GRID2: variants seen among roughly 807,000 people sequenced by gnomAD.
GRID2 encodes the protein glutamate ionotropic receptor delta type subunit 2.
A neutral mutation model predicts 114.8 loss-of-function variants in GRID2; 33 were observed. That is an observed-to-expected ratio of 0.29 (90% confidence interval 0.22 to 0.38). GRID2 has a LOEUF of 0.38. Among genes scored for constraint, GRID2 ranks in the 10% least tolerant of loss-of-function variants. GRID2 has a pLI of 1.00. For missense variants in GRID2, 1,184 were observed against 1,257.7 expected, an observed-to-expected ratio of 0.94 and a Z score of 0.89; for synonymous variants, 505 against 449.9, an observed-to-expected ratio of 1.12 and a Z score of -1.55.
rs555857513 is a variant in GRID2, at chr4:93,346,984, A to G, written c.1246-48623A>G. Among the ~76,000 whole-genome samples the G allele has an allele frequency of 1.0e-3, 158 of 152,236 alleles. 6 individuals carry two copies. In the South Asian group the frequency reaches 0.032, roughly 31 times the overall value. On this transcript the variant is annotated intron_variant, in intron 8 of 15. Coordinates refer to ENST00000282020, the MANE Select transcript of GRID2 (RefSeq NM_001510.4). ...CTTCCAATTTTCCTGCCCTGCTCCT[A>G]TCAGAGACCATCTTCAGGGTTAGTG...
Position 93,424,584 on chromosome 4 carries a change from T to C in GRID2, c.1545+1616T>C, listed in dbSNP as rs578082845. ...TGATTCTTTATATGTAGTATATTTT[T>C]GTATGTGTTAGTGGCCATTCTACAA... On this transcript the variant is annotated intron_variant, in intron 10 of 15. Transcript: ENST00000282020. Among the ~76,000 whole-genome samples the C allele has an allele frequency of 2.0e-5, 3 of 152,272 alleles. No individual in the cohort carries two copies. The South Asian group carries it at 6.2e-4, about 32-fold the overall frequency.
intron 13 of GRID2, among the ~76,000 whole-genome samples, chr4:93,530,382 G>A (rs1731323730): frequency 6.6e-6 from 1 of 152,184 alleles, no homozygotes; most frequent in African/African-American, 2.4e-5. Context: ...CGCCTATTCT[G>A]TATTGATTTG....
In GRID2 at chr4:92,608,542, C is replaced by T. The variant is rs1729570719; in HGVS notation, c.244+18256C>T. Among the ~76,000 whole-genome samples, 7 of 151,882 alleles carry T rather than the reference C, an allele frequency of 4.6e-5. No homozygotes were observed. In the South Asian group the frequency reaches 1.5e-3, roughly 32 times the overall value. ...GTTTTATAATATAAAAAGTGCTATG[C>T]ATGTGTATTAACTAATTCTCTCAAA... On this transcript the variant is annotated intron_variant, in intron 2 of 15. Coordinates refer to ENST00000282020, the MANE Select transcript of GRID2 (RefSeq NM_001510.4).
At chr4:93,577,913 A>T (rs1736575228) in intron 13 of GRID2, among the ~76,000 whole-genome samples, 1 of 152,222 alleles carries the variant, frequency 6.6e-6, no homozygotes, top group Admixed American at 6.5e-5. Flanking sequence ...GATGGGTAAT[A>T]ACAATAAAAT....
At chr4:92,369,610 C>T (rs1006471853) in intron 1 of GRID2, among the ~76,000 whole-genome samples, 1 of 152,100 alleles carries the variant, frequency 6.6e-6, no homozygotes, top group African/African-American at 2.4e-5. Context: ...ACTTCAGTAT[C>T]CAGCTAGCTA....
At chr4:92,695,855 A>C (rs1311803090) in intron 2 of GRID2, among the ~76,000 whole-genome samples, 1 of 152,182 alleles carries the variant, frequency 6.6e-6, no homozygotes, top group African/African-American at 2.4e-5. Flanking sequence ...GAATCAAAAA[A>C]ATCTGAAATC....
rs187118359 is a variant in GRID2 at position 93,441,278 on chromosome 4, C to T, written c.1546-14384C>T. Among the ~76,000 whole-genome samples the T allele has an allele frequency of 3.3e-3, 502 of 152,040 alleles. 3 individuals carry two copies. The highest frequency in any genetic ancestry group is 0.011 in the African/African-American group (472 of 41,506). Reference sequence around the variant, plus strand: ...CTATAAATAACTTTTAAAGACATTTCGGATATGAAATTCTCTATGTTCTAT... The same window carrying T: ...CTATAAATAACTTTTAAAGACATTTTGGATATGAAATTCTCTATGTTCTAT... On this transcript the variant is annotated intron_variant, in intron 10 of 15. Transcript: ENST00000282020.
chr4:92,420,711 G>A (rs914048118), intron 1 of GRID2, among the ~76,000 whole-genome samples: 1 of 152,160 alleles, frequency 6.6e-6, no homozygotes, highest in Non-Finnish European at 1.5e-5. Flanking sequence ...TTGAGACAGA[G>A]TGTCTCTCTG....
chr4:92,361,432 G>T (rs1728615902), intron 1 of GRID2, among the ~76,000 whole-genome samples: 1 of 151,904 alleles, frequency 6.6e-6, no homozygotes, highest in Admixed American at 6.6e-5. Flanking sequence ...TTGTATATCA[G>T]AACAAAAGTT....
intron 9 of GRID2, among the ~76,000 whole-genome samples, chr4:93,418,453 C>A (rs1031486386): frequency 2.0e-5 from 3 of 152,072 alleles, no homozygotes; most frequent in Non-Finnish European, 4.4e-5. Flanking sequence ...TAACAACACT[C>A]CTTTGTAGTT....
At chr4:93,246,136 C>G (rs1415894693) in intron 8 of GRID2, among the ~76,000 whole-genome samples, 1 of 152,126 alleles carries the variant, frequency 6.6e-6, no homozygotes, top group Non-Finnish European at 1.5e-5. Context: ...GTATGGAAAT[C>G]TAATAACAGA....
At chr4:92,760,237 CAAAAAAAA>C (rs982301426) in intron 2 of GRID2, among the ~76,000 whole-genome samples, 4 of 38,410 alleles carry the variant, frequency 1.0e-4, no homozygotes, top group African/African-American at 2.8e-4. Context: ...GACTCTGTCT[CAAAAAAAA>C]AAAAAAAAAA....
chr4:93,712,611 T>C (rs1728580502), intron 14 of GRID2, among the ~76,000 whole-genome samples: 1 of 152,190 alleles, frequency 6.6e-6, no homozygotes, highest in Admixed American at 6.6e-5. Context: ...ATAAACCATC[T>C]CTCACTTAAA....
At chr4:92,626,738 G>T (rs1173528729) in intron 2 of GRID2, among the ~76,000 whole-genome samples, 2 of 152,012 alleles carry the variant, frequency 1.3e-5, no homozygotes, top group Non-Finnish European at 2.9e-5. Context: ...GATTCTCACA[G>T]AGAAGATACC....
At chr4:93,095,277 C>T (rs1251469751) in intron 3 of GRID2, among the ~76,000 whole-genome samples, 1 of 151,922 alleles carries the variant, frequency 6.6e-6, no homozygotes, top group Non-Finnish European at 1.5e-5. Context: ...CCTCCCCTAG[C>T]CCTCCACGCC....
chr4:93,414,770 C>T (rs540564350), intron 9 of GRID2, among the ~76,000 whole-genome samples: 87 of 149,910 alleles, frequency 5.8e-4, no homozygotes, highest in African/African-American at 2.0e-3. Context: ...TAGAAATGTT[C>T]GTTTGTTGTT....
At chr4:93,127,996 G>A (rs1179667637) in intron 4 of GRID2, among the ~76,000 whole-genome samples, 1 of 131,822 alleles carries the variant, frequency 7.6e-6, no homozygotes, top group Non-Finnish European at 1.5e-5. Context: ...ACTCCAGCTT[G>A]GGCAGCAGAG....
chr4:92,341,702 C>T (rs1445282932), intron 1 of GRID2, among the ~76,000 whole-genome samples: 2 of 151,886 alleles, frequency 1.3e-5, no homozygotes, highest in African/African-American at 2.4e-5. Context: ...GGGCGGATCA[C>T]GAGATTGAGA....
intron 1 of GRID2, among the ~76,000 whole-genome samples, chr4:93,803,759 A>T (rs1186205015): frequency 6.6e-6 from 1 of 152,094 alleles, no homozygotes; most frequent in African/African-American, 2.4e-5. Flanking sequence ...CAAATATACT[A>T]CACAAATTTA....
Sources: allele counts gnomAD v4.1 joint callset (sites outside exome capture counted in the v4.1 genomes callset), GRCh38; gene constraint gnomAD v4.1.1; transcripts MANE v1.5; gene names NCBI Gene and HGNC (gene_info 2026-07-23, HGNC 2026-07-21).